Variants in CDH13 observed in about 807,000 individuals in gnomAD.
CDH13 encodes the protein cadherin-13.
A neutral mutation model predicts 63.8 loss-of-function variants in CDH13; 24 were observed. The observed-to-expected ratio is 0.38, with a 90% CI of 0.27 to 0.53. The LOEUF is 0.53. Ranked by LOEUF, CDH13 falls within the 20% of genes least tolerant of loss-of-function variation. The pLI, the probability that CDH13 is intolerant of heterozygous loss-of-function variation, is 0.85. For synonymous variants in CDH13, 503 were observed against 355.3 expected, an observed-to-expected ratio of 1.42 and a Z score of -4.67; for missense variants, 1,049 against 903.1, an observed-to-expected ratio of 1.16 and a Z score of -2.07.
At chr16:82,968,268 A>T (rs1267753642) in intron 2 of CDH13, among the ~76,000 whole-genome samples, 2 of 152,206 alleles carry the variant, frequency 1.3e-5, no homozygotes, top group African/African-American at 2.4e-5. Flanking sequence ...CTAGCACGTC[A>T]ACTTTTATTG....
At chr16:83,304,125 C>G (rs931053219) in intron 5 of CDH13, among the ~76,000 whole-genome samples, 7 of 152,128 alleles carry the variant, frequency 4.6e-5, no homozygotes, top group African/African-American at 1.4e-4. Context: ...AGAGTCCAAA[C>G]TAGTAATAGG....
At chr16:83,667,030 G>A (rs1458087175) in intron 8 of CDH13, among the ~76,000 whole-genome samples, 11 of 47,992 alleles carry the variant, frequency 2.3e-4, no homozygotes, top group African/African-American at 5.6e-4. Flanking sequence ...TGGATGGATG[G>A]GTGGATGGAT....
intron 8 of CDH13, among the ~76,000 whole-genome samples, chr16:83,657,816 C>A (rs894126928): frequency 6.6e-6 from 1 of 152,182 alleles, no homozygotes; most frequent in African/African-American, 2.4e-5. Flanking sequence ...CTGCCAGCCA[C>A]ATGTCCTCAC....
At chr16:83,772,108 T>G (rs557035987) in intron 11 of CDH13, among the ~76,000 whole-genome samples, 4 of 152,206 alleles carry the variant, frequency 2.6e-5, no homozygotes, top group Non-Finnish European at 5.9e-5. Context: ...GAACCTTAAA[T>G]GAGATGCCTA....
At chr16:83,261,802 G>C (rs1312178295) in intron 5 of CDH13, among the ~76,000 whole-genome samples, 2 of 151,984 alleles carry the variant, frequency 1.3e-5, no homozygotes, top group South Asian at 4.2e-4. Flanking sequence ...GGGGTACCAG[G>C]ACACCCTGCC....
chr16:83,725,945 T>C (rs887428939), intron 10 of CDH13: 3 of 152,242 alleles, frequency 2.0e-5, no homozygotes, highest in African/African-American at 7.2e-5. Flanking sequence ...TCAATTCTCA[T>C]GATCTTACTT....
At chr16:83,334,689 A>G (rs2090554892) in intron 5 of CDH13, among the ~76,000 whole-genome samples, 1 of 152,206 alleles carries the variant, frequency 6.6e-6, no homozygotes, top group South Asian at 2.1e-4. Flanking sequence ...TCTCTGTTTT[A>G]AAGCCAGCTG....
intron 10 of CDH13, among the ~76,000 whole-genome samples, chr16:83,728,342 C>CGTGTGTGTGTGTGTGTGTGTGTGTGTGT (rs145865689): frequency 2.0e-5 from 3 of 149,210 alleles, no homozygotes; most frequent in African/African-American, 7.4e-5. Flanking sequence ...TATGTGTGTG[C>CGTGTGTGTGTGTGTGTGTGTGTGTGTGT]GTGTGTGTGT....
chr16:83,162,768 C>A (rs1388926907), intron 4 of CDH13, among the ~76,000 whole-genome samples: 1 of 152,106 alleles, frequency 6.6e-6, no homozygotes, highest in African/African-American at 2.4e-5. Context: ...AGTCCAAAAT[C>A]TGTATTTGTG....
At chr16:83,280,513 A>G (rs1489040076) in intron 5 of CDH13, among the ~76,000 whole-genome samples, 2 of 152,212 alleles carry the variant, frequency 1.3e-5, no homozygotes, top group African/African-American at 2.4e-5. Flanking sequence ...AAAGTCATCC[A>G]TGAGGGTTGG....
chr16:83,042,466 C>A (rs552879948), intron 3 of CDH13, among the ~76,000 whole-genome samples: 2 of 152,100 alleles, frequency 1.3e-5, no homozygotes, highest in South Asian at 4.2e-4. Flanking sequence ...CATGTAGTCG[C>A]AGGAAAACAA....
At chr16:83,665,521 C>T (rs534207208) in intron 8 of CDH13, among the ~76,000 whole-genome samples, 1 of 152,288 alleles carries the variant, frequency 6.6e-6, no homozygotes, top group South Asian at 2.1e-4. Context: ...AGTTATATTT[C>T]TGATGGTCTC....
At chr16:83,018,937 A>C (rs764828726) in intron 2 of CDH13, among the ~76,000 whole-genome samples, 5 of 152,234 alleles carry the variant, frequency 3.3e-5, no homozygotes, top group Non-Finnish European at 5.9e-5. Context: ...TAGAGGTGGT[A>C]GGATTGGAAG....
At chr16:83,184,993 T>G (rs1310420450) in intron 4 of CDH13, among the ~76,000 whole-genome samples, 1 of 152,090 alleles carries the variant, frequency 6.6e-6, no homozygotes, top group African/African-American at 2.4e-5. Context: ...ATGTGTGGTG[T>G]GTGGGTATAT....
At chr16:82,852,295 C>A (rs1308128775) in intron 1 of CDH13, among the ~76,000 whole-genome samples, 1 of 152,204 alleles carries the variant, frequency 6.6e-6, no homozygotes, top group African/African-American at 2.4e-5. Flanking sequence ...CAATCAGCTG[C>A]TGCAACAAAC....
chr16:82,808,255 G>C (rs1426451532), intron 1 of CDH13, among the ~76,000 whole-genome samples: 1 of 152,092 alleles, frequency 6.6e-6, no homozygotes, highest in African/African-American at 2.4e-5. Flanking sequence ...GAAATGATTT[G>C]CTTTTGTTCT....
At chr16:83,259,081 G>A (rs1906646102) in intron 5 of CDH13, among the ~76,000 whole-genome samples, 1 of 152,122 alleles carries the variant, frequency 6.6e-6, no homozygotes, top group African/African-American at 2.4e-5. Flanking sequence ...TCCTAGCCAG[G>A]GCTGTGGTAG....
At chr16:82,949,483 G>A (rs958181365) in intron 2 of CDH13, among the ~76,000 whole-genome samples, 5 of 152,136 alleles carry the variant, frequency 3.3e-5, no homozygotes, top group South Asian at 2.1e-4. Context: ...GGAGTTGGAC[G>A]TTTCTTTTAG....
intron 7 of CDH13, among the ~76,000 whole-genome samples, chr16:83,540,448 C>T (rs148456318): frequency 2.6e-5 from 4 of 152,262 alleles, no homozygotes; most frequent in East Asian, 1.9e-4. Flanking sequence ...GTCATTACCA[C>T]CTCCTCCTTG....
Sources: gnomAD v4.1 joint callset for allele counts (sites outside exome capture counted in the v4.1 genomes callset) on GRCh38, gnomAD v4.1.1 for gene constraint, MANE v1.5 for transcripts, NCBI Gene and HGNC (gene_info 2026-07-23, HGNC 2026-07-21) for gene names.